NBEAL1: variants seen among roughly 807,000 people sequenced by gnomAD.
NBEAL1 encodes the protein neurobeachin like 1.
Under a neutral mutation model 351.3 loss-of-function variants are expected in NBEAL1, and 273 were observed. That is an observed-to-expected ratio of 0.78 (90% CI 0.70 to 0.86). The LOEUF is 0.86. Ranked by LOEUF, NBEAL1 falls within the 40% of genes least tolerant of loss-of-function variation. The probability of loss-of-function intolerance (pLI) is 0.00; values close to 1 mark genes in which losing one functional copy is unlikely to be tolerated. For missense variants in NBEAL1, 2,961 were observed against 3,201.3 expected, an observed-to-expected ratio of 0.92 and a Z score of 1.81; for synonymous variants, 1,050 against 1,086.4, an observed-to-expected ratio of 0.97 and a Z score of 0.66.
intron 7 of NBEAL1, among the ~76,000 whole-genome samples, chr2:203,073,830 A>C (rs1312196796): frequency 6.6e-6 from 1 of 151,968 alleles, no homozygotes; most frequent in African/African-American, 2.4e-5. Flanking sequence ...TTAGATCTTT[A>C]TTTCGACCTT....
Position 203,049,825 on chromosome 2 carries a change from T to C in NBEAL1, c.155T>C (p.Met52Thr), listed in dbSNP as rs1246098735. 6.4e-7 allele frequency: 1 copy of C among 1,551,280 alleles called. No individual in the cohort carries two copies. Among genetic ancestry groups the C allele is most frequent in the Non-Finnish European group, 8.7e-7 (1 of 1,146,080 alleles). The change falls in exon 4 of 56, where the codon ATG becomes ACG. Residue 52 changes from methionine (M) to threonine (T), a missense_variant. By Grantham distance (81) the Met-to-Thr change is moderately conservative (BLOSUM62 -1). Transcript: ENST00000683969. ...CCTTTCTGTTGTAGGGTAGATGATA[T>C]GCCTCCAGGAATATCTCTGCTTCCT... ...FEKLPTRVDDMPPGISLLPDN... is the reference protein window; with the variant it reads ...FEKLPTRVDDTPPGISLLPDN...
chr2:203,039,427 A>C (rs1373055389), intron 2 of NBEAL1, among the ~76,000 whole-genome samples: 1 of 141,944 alleles, frequency 7.0e-6, no homozygotes, highest in Non-Finnish European at 1.6e-5. Flanking sequence ...TTTCCGAGAT[A>C]GAGTCTTGCT....
At chr2:203,077,127 AGGGGCC>A (rs1362190494) in intron 7 of NBEAL1, among the ~76,000 whole-genome samples, 1 of 151,950 alleles carries the variant, frequency 6.6e-6, no homozygotes, top group Non-Finnish European at 1.5e-5. Flanking sequence ...AGACCTGACA[AGGGGCC>A]GGGTGTGGTG....
chr2:203,080,700 C>A (rs970284965), intron 8 of NBEAL1, among the ~76,000 whole-genome samples: 11 of 152,112 alleles, frequency 7.2e-5, no homozygotes, highest in African/African-American at 1.2e-4. Flanking sequence ...CTCCTCTTCA[C>A]CCTAGTAGAA....
chr2:203,112,466 CAAT>C (rs1423033933), intron 16 of NBEAL1, among the ~76,000 whole-genome samples: 1 of 152,036 alleles, frequency 6.6e-6, no homozygotes, highest in Non-Finnish European at 1.5e-5. Context: ...ATAATTGAAA[CAAT>C]AATGAAGAAG....
intron 35 of NBEAL1, among the ~76,000 whole-genome samples, chr2:203,154,024 T>C (rs1481279045): frequency 6.6e-6 from 1 of 151,928 alleles, no homozygotes; most frequent in Non-Finnish European, 1.5e-5. Context: ...GGTGGGCGGA[T>C]CACGAGGTCA....
chr2:203,139,624 G>A (rs994246719), intron 31 of NBEAL1, among the ~76,000 whole-genome samples: 4 of 136,756 alleles, frequency 2.9e-5, no homozygotes, highest in Non-Finnish European at 4.6e-5. Context: ...GCTGGAGTGC[G>A]GTGGCTCTCG....
At chr2:203,195,954 T>C (rs1473950120) in intron 47 of NBEAL1, among the ~76,000 whole-genome samples, 1 of 152,110 alleles carries the variant, frequency 6.6e-6, no homozygotes, top group Non-Finnish European at 1.5e-5. Context: ...GAGGGAAAGT[T>C]TTATGTCAGT....
chr2:203,160,240 C>T (rs2063911244), intron 36 of NBEAL1, among the ~76,000 whole-genome samples: 1 of 151,974 alleles, frequency 6.6e-6, no homozygotes, highest in Admixed American at 6.6e-5. Context: ...CCACCATGCT[C>T]CCGCTAATTT....
At chr2:203,078,836 G>C (rs2061823651) in intron 8 of NBEAL1, among the ~76,000 whole-genome samples, 1 of 152,040 alleles carries the variant, frequency 6.6e-6, no homozygotes, top group Admixed American at 6.6e-5. Flanking sequence ...TGAAATAAAG[G>C]AAACCAATTA....
rs1178579894 is a variant in NBEAL1 at position 203,220,398 on chromosome 2, C to T, written c.*3044C>T. On this transcript the variant is annotated 3_prime_UTR_variant, in exon 56 of 56. Transcript: ENST00000683969. Reference sequence around the variant, plus strand: ...ACTCAGGAGGCTGAGGCAGGAGAATCGCTTGAACCCAGGAGGCAGAGGTTG... The same window carrying T: ...ACTCAGGAGGCTGAGGCAGGAGAATTGCTTGAACCCAGGAGGCAGAGGTTG... 1.3e-5 allele frequency among the ~76,000 whole-genome samples: 2 copies of T among 151,852 alleles called. No homozygotes were observed. Among genetic ancestry groups the T allele is most frequent in the Non-Finnish European group, 2.9e-5 (2 of 67,972 alleles).
At chr2:203,197,606 T>C (rs6714802) in intron 48 of NBEAL1, among the ~76,000 whole-genome samples, 66,978 of 151,920 alleles carry the variant, frequency 0.44, 16,861 homozygotes, top group Middle Eastern at 0.66. Flanking sequence ...AAATAAAATC[T>C]GAAAAGATAT....
chr2:203,195,543 C>T (rs986341627), intron 47 of NBEAL1, among the ~76,000 whole-genome samples: 4 of 152,164 alleles, frequency 2.6e-5, no homozygotes, highest in African/African-American at 9.7e-5. Flanking sequence ...CCCCCAGGTT[C>T]AGTGATTTGC....
chr2:203,070,441 G>A (rs1306022567), intron 7 of NBEAL1, among the ~76,000 whole-genome samples: 1 of 138,224 alleles, frequency 7.2e-6, no homozygotes, highest in Non-Finnish European at 1.5e-5. Flanking sequence ...ATAGCTTACT[G>A]TAGCCTTAAA....
chr2:203,163,122 A>T (rs1575067716), intron 36 of NBEAL1, among the ~76,000 whole-genome samples: 1 of 152,224 alleles, frequency 6.6e-6, no homozygotes, highest in Non-Finnish European at 1.5e-5. Flanking sequence ...GCACCACTGC[A>T]CTCCAGCCTG....
intron 8 of NBEAL1, among the ~76,000 whole-genome samples, chr2:203,078,840 C>T (rs1175486810): frequency 6.6e-6 from 1 of 152,000 alleles, no homozygotes; most frequent in Non-Finnish European, 1.5e-5. Flanking sequence ...ATAAAGGAAA[C>T]CAATTATACT....
chr2:203,107,582 C>A (rs1331518359), intron 13 of NBEAL1, 26 bp from the exon 14 acceptor site: 2 of 1,544,848 alleles, frequency 1.3e-6, no homozygotes, highest in Non-Finnish European at 8.8e-7. Context: ...GATAACTAAC[C>A]TTTTATCTTT....
chr2:203,183,378 G>C lies in NBEAL1; in HGVS notation c.6695G>C (p.Arg2232Thr). Residue 2232 changes from arginine (R) to threonine (T), a missense_variant, in exon 44 of 56, where the codon AGG becomes ACG. Coordinates refer to ENST00000683969, the MANE Select transcript of NBEAL1 (RefSeq NM_001378026.1). ...GCTGAAGATTTCATCTATAAACATA[G>C]GAAAGCTTTGGTAAGAGTTTTGCAT... ...KSAEDFIYKH[R>T]KALESEYVSA... The C allele has an allele frequency of 6.4e-7, 1 of 1,552,844 alleles. No individual in the cohort carries two copies. Among genetic ancestry groups the C allele is most frequent in the Non-Finnish European group, 8.8e-7 (1 of 1,140,126 alleles).
chr2:203,182,035 G>A (rs1275297618), intron 43 of NBEAL1: 1 of 152,122 alleles, frequency 6.6e-6, no homozygotes. Context: ...GAGCCATTTG[G>A]GAGAAAGCAA....
Sources: allele counts gnomAD v4.1 joint callset (sites outside exome capture counted in the v4.1 genomes callset), GRCh38; gene constraint gnomAD v4.1.1; transcripts MANE v1.5; gene names NCBI Gene and HGNC (gene_info 2026-07-23, HGNC 2026-07-21).